Variants in DDB1 observed in about 807,000 individuals in gnomAD.
The protein encoded by DDB1 is damage specific DNA binding protein 1, also known as DNA damage-binding protein 1.
DDB1 carries 18 observed loss-of-function variants against 133.1 expected under a neutral mutation model. That is an observed-to-expected ratio of 0.14 (90% CI 0.09 to 0.20). The LOEUF (loss-of-function observed/expected upper bound fraction) is 0.20, where lower values mean the gene tolerates loss of function less well. DDB1 is among the 10% of genes least tolerant of loss of function. The pLI is 1.00. For missense variants in DDB1, 828 were observed against 1,459.2 expected (o/e 0.57, Z 7.05); for synonymous variants, 580 against 550.5 (o/e 1.05, Z -0.75).
At chr11:61,301,260 C>T (rs1420516274) in intron 25 of DDB1, 1 of 248,072 alleles carries the variant, frequency 4.0e-6, no homozygotes, top group East Asian at 1.1e-4. Context: ...TAAGTCTAGC[C>T]TCAAAGCTCC....
At position 61,329,435 on chromosome 11, in the gene DDB1, C is replaced by T; in HGVS notation, c.477G>A (p.Leu159=). 1.2e-6 allele frequency: 2 copies of T among 1,614,168 alleles called. No homozygotes were observed. Among genetic ancestry groups the T allele is most frequent in the Non-Finnish European group, 8.5e-7 (1 of 1,180,040 alleles). The change falls in exon 4 of 27, where the codon CTG becomes CTA. Residue 159 remains leucine (L), a synonymous_variant. Coordinates refer to ENST00000301764, the MANE Select transcript of DDB1 (RefSeq NM_001923.5). ...NKELKAFNIR[L]EELHVIDVKF... is the part of the protein sequence containing the mutation. Reference sequence around the variant, plus strand: ...TGACATCAATGACATGCAGCTCCTCCAGGCGGATGTTGAAGGCCTTGAGTT... The same window carrying T: ...TGACATCAATGACATGCAGCTCCTCTAGGCGGATGTTGAAGGCCTTGAGTT...
chr11:61,312,771 G>A (rs1590687019), intron 16 of DDB1, among the ~76,000 whole-genome samples: 2 of 152,046 alleles, frequency 1.3e-5, no homozygotes, highest in African/African-American at 4.8e-5. Context: ...GCTAACTTTT[G>A]TATTTTTAGT....
chr11:61,307,556 C>A (rs987235425), intron 21 of DDB1, among the ~76,000 whole-genome samples: 3 of 151,096 alleles, frequency 2.0e-5, no homozygotes, highest in Non-Finnish European at 2.9e-5. Flanking sequence ...TGGACAGCTC[C>A]TAGGGCTATC....
chr11:61,330,653 G>GT (rs1338581051), intron 2 of DDB1, among the ~76,000 whole-genome samples: 1 of 151,240 alleles, frequency 6.6e-6, no homozygotes, highest in East Asian at 1.9e-4. Context: ...GATGGTAATT[G>GT]TTTTTTTTGT....
In DDB1 at chr11:61,313,669, G is replaced by A. The variant is rs2230357; in HGVS notation, c.1899C>T (p.Thr633=). 6.9e-4 allele frequency: 1,115 copies of A among 1,613,526 alleles called. 9 individuals are homozygous for A. In the African/African-American group the frequency reaches 0.014, roughly 20 times the overall value. Reference sequence around the variant, plus strand: ...GAAAAGTCCTCAATACGGTGGGCTGGGTGCCCAAAGTCACCTTCTTACGGT... The same window carrying A: ...GAAAAGTCCTCAATACGGTGGGCTGAGTGCCCAAAGTCACCTTCTTACGGT... ...LSDRKKVTLG[T]QPTVLRTFRS... The change falls in exon 16 of 27, where the codon ACC becomes ACT. Residue 633 remains threonine (T), a synonymous_variant. Coordinates refer to ENST00000301764, the MANE Select transcript of DDB1 (RefSeq NM_001923.5).
At position 61,322,329 on chromosome 11, in the gene DDB1, G is replaced by A. The variant is rs531861889; in HGVS notation, c.1089C>T (p.Cys363=). The change falls in exon 9 of 27, where the codon TGC becomes TGT. Residue 363 remains cysteine (C), a synonymous_variant. Transcript: ENST00000301764. ...GCCCCTGCCTCTCCAGGTCCACCAC[G>A]CACATATCGACAATGGGTCCTAAGT... The part of the protein sequence containing the change: ...FTNLGPIVDM[C]VVDLERQGQG... 35 of 1,613,972 alleles carry A rather than the reference G, an allele frequency of 2.2e-5. No homozygotes were observed. Among genetic ancestry groups the A allele is most frequent in the Non-Finnish European group, 2.8e-5 (33 of 1,180,018 alleles).
At position 61,311,829 on chromosome 11, in the gene DDB1, G is replaced by A; in HGVS notation, c.2232C>T (p.Asp744=). 1 of 1,614,070 alleles carries A rather than the reference G, an allele frequency of 6.2e-7. No homozygotes were observed. Among genetic ancestry groups the A allele is most frequent in the Non-Finnish European group, 8.5e-7 (1 of 1,179,982 alleles). ...GVLSSRIEVQ[D]TSGGTTALRP... is the part of the protein sequence containing the mutation. ...TCAAGGCTGTCGTGCCCCCACTCGT[G>A]TCTTGGACTTCAATGCGGCTGGAGA... is the stretch of plus-strand genomic sequence containing the variant. The change falls in exon 18 of 27, where the codon GAC becomes GAT. Residue 744 remains aspartate, a synonymous_variant. Coordinates refer to ENST00000301764, the MANE Select transcript of DDB1 (RefSeq NM_001923.5).
At chr11:61,301,881 G>T in intron 25 of DDB1, 3 of 166,346 alleles carry the variant, frequency 1.8e-5, no homozygotes, top group Admixed American at 1.2e-4. Context: ...CTTTCTTCTG[G>T]TAGTTTCTCT....
intron 18 of DDB1, chr11:61,310,676 A>T: frequency 3.1e-6 from 1 of 320,616 alleles, no homozygotes; most frequent in Non-Finnish European, 5.7e-6. Flanking sequence ...GCTAAAAAGG[A>T]ACTCAGGTGA....
intron 21 of DDB1, among the ~76,000 whole-genome samples, chr11:61,306,623 G>A (rs552769037): frequency 2.1e-3 from 320 of 152,024 alleles, no homozygotes; most frequent in Non-Finnish European, 3.7e-3. Flanking sequence ...CTTAAAGCCT[G>A]GCATTACAAG....
intron 8 of DDB1, 97 bp from the exon 9 acceptor site, chr11:61,322,509 G>T: frequency 1.1e-6 from 1 of 898,878 alleles, no homozygotes; most frequent in South Asian, 1.4e-5. Flanking sequence ...TCAATAACTA[G>T]TTTCTAGATC....
At chr11:61,319,938 T>A (rs1213844069) in intron 10 of DDB1, among the ~76,000 whole-genome samples, 1 of 152,250 alleles carries the variant, frequency 6.6e-6, no homozygotes, top group East Asian at 1.9e-4. Flanking sequence ...ATCTTTAAGT[T>A]TTCCTTGTAT....
chr11:61,329,983 A>G lies in DDB1; in HGVS notation c.302T>C (p.Ile101Thr), dbSNP rs1856339648. The G allele has an allele frequency of 4.3e-6, 7 of 1,613,550 alleles. No individual in the cohort carries two copies. Among genetic ancestry groups the G allele is most frequent in the Non-Finnish European group, 4.2e-6 (5 of 1,179,516 alleles). The stretch of plus-strand genomic sequence containing the variant: ...CTGGACATTGCCATGGGCTCGCGTA[A>G]TGATGTCAATGCTCTCGCCACTCTG... Reference protein sequence around the residue: ...YKQSGESIDIITRAHGNVQDR... With the variant: ...YKQSGESIDITTRAHGNVQDR... Residue 101 changes from isoleucine to threonine, a missense_variant, in exon 3 of 27, where the codon ATT becomes ACT. Transcript: ENST00000301764.
chr11:61,307,263 T>G (rs1362098102), intron 21 of DDB1, among the ~76,000 whole-genome samples: 1 of 152,076 alleles, frequency 6.6e-6, no homozygotes, highest in Non-Finnish European at 1.5e-5. Context: ...CCTTGAGGGG[T>G]TTTCTGTACC....
At chr11:61,302,062 T>C (rs902693679) in intron 25 of DDB1, 195 bp downstream of exon 25, 6 of 513,766 alleles carry the variant, frequency 1.2e-5, no homozygotes, top group Non-Finnish European at 1.8e-5. Flanking sequence ...ATAAGTACTT[T>C]GGGAGTCAAT....
chr11:61,308,106 G>A (rs906871324), intron 21 of DDB1, among the ~76,000 whole-genome samples: 10 of 152,156 alleles, frequency 6.6e-5, no homozygotes, highest in African/African-American at 2.4e-4. Context: ...ACCCTCCAGA[G>A]GTTGCCATCA....
intron 10 of DDB1, 173 bp downstream of exon 10, chr11:61,321,422 T>G (rs955752430): frequency 2.3e-6 from 1 of 434,624 alleles, no homozygotes; most frequent in African/African-American, 2.2e-5. Context: ...TTTTTTTTTC[T>G]AAAGTTTACT....
intron 18 of DDB1, chr11:61,310,656 A>T: frequency 2.6e-6 from 1 of 378,644 alleles, no homozygotes; most frequent in Non-Finnish European, 4.7e-6. Context: ...CTTCAAGTCA[A>T]TCAAGCACAG....
chr11:61,322,565 A>G (rs1320599036), intron 8 of DDB1, 153 bp from the exon 9 acceptor site: 3 of 647,280 alleles, frequency 4.6e-6, no homozygotes, highest in Non-Finnish European at 8.2e-6. Flanking sequence ...GGGACTATTG[A>G]CGAAAGAATA....
Sources: allele counts gnomAD v4.1 joint callset (sites outside exome capture counted in the v4.1 genomes callset), GRCh38; gene constraint gnomAD v4.1.1; transcripts MANE v1.5; gene names NCBI Gene and HGNC (gene_info 2026-07-23, HGNC 2026-07-21).